Variants in TEX9 observed in about 807,000 individuals in gnomAD.
TEX9 encodes the protein testis expressed 9, also known as testis-expressed protein 9.
Under a neutral mutation model 59.6 loss-of-function variants are expected in TEX9, and 74 were observed. The ratio of observed to expected loss-of-function variants is 1.24; its 90% CI spans 1.03 to 1.51. The LOEUF (loss-of-function observed/expected upper bound fraction) is 1.51, where lower values mean the gene tolerates loss of function less well. Among genes scored for constraint, TEX9 ranks in the 40% most tolerant of loss-of-function variants. The probability of loss-of-function intolerance (pLI) is 0.00; values close to 1 mark genes in which losing one functional copy is unlikely to be tolerated. For missense variants in TEX9, 522 were observed against 447.8 expected, an observed-to-expected ratio of 1.17 and a Z score of -1.49; for synonymous variants, 186 against 152.2, an observed-to-expected ratio of 1.22 and a Z score of -1.64.
At chr15:56,372,951 G>A (rs2047256228) in intron 2 of TEX9, among the ~76,000 whole-genome samples, 1 of 152,066 alleles carries the variant, frequency 6.6e-6, no homozygotes, top group African/African-American at 2.4e-5. Flanking sequence ...TCTGAGGTGT[G>A]AGCCACGTTG....
At chr15:56,417,330 C>T (rs1172314886) in intron 10 of TEX9, among the ~76,000 whole-genome samples, 3 of 151,720 alleles carry the variant, frequency 2.0e-5, no homozygotes, top group African/African-American at 7.3e-5. Flanking sequence ...TTGATGTGGG[C>T]GTTTAGTGCT....
In TEX9 at chr15:56,353,911, C is replaced by G. The variant is rs16976872; in HGVS notation, c.-106-19530C>G. 5.4e-3 allele frequency among the ~76,000 whole-genome samples: 820 copies of G among 152,274 alleles called. 6 individuals are homozygous for G. Among genetic ancestry groups the G allele is most frequent in the African/African-American group, 0.019 (775 of 41,554 alleles). On this transcript the variant is annotated intron_variant, in intron 1 of 5. Transcript: ENST00000560827. Reference sequence around the variant, plus strand: ...GAGGCTATCAATGACTTCTTTCTTGCCAGCTTTAGAGGCCTTTTTCCAGTC... The same window carrying G: ...GAGGCTATCAATGACTTCTTTCTTGGCAGCTTTAGAGGCCTTTTTCCAGTC...
intron 1 of TEX9, among the ~76,000 whole-genome samples, chr15:56,316,046 C>G (rs373302049): frequency 6.9e-6 from 1 of 144,922 alleles, no homozygotes; most frequent in South Asian, 2.2e-4. Flanking sequence ...CTAGTTATAC[C>G]TTCTTCTAAA....
At chr15:56,425,027 C>G (rs2050174092) in intron 10 of TEX9, among the ~76,000 whole-genome samples, 1 of 151,952 alleles carries the variant, frequency 6.6e-6, no homozygotes, top group Non-Finnish European at 1.5e-5. Flanking sequence ...TAGTATTCTT[C>G]TAGGTTTTTT....
chr15:56,421,781 A>G (rs569025926), intron 10 of TEX9: 41 of 151,638 alleles, frequency 2.7e-4, no homozygotes, highest in African/African-American at 9.7e-4. Context: ...CCATGTCCCT[A>G]CAAAGGACAT....
chr15:56,420,654 G>A (rs530665699), intron 10 of TEX9, among the ~76,000 whole-genome samples: 4 of 151,866 alleles, frequency 2.6e-5, no homozygotes, highest in East Asian at 3.9e-4. Context: ...TGATTTGTAC[G>A]CTTTCTTCTT....
chr15:56,339,306 C>T (rs2046319067), intron 1 of TEX9, among the ~76,000 whole-genome samples: 2 of 139,036 alleles, frequency 1.4e-5, no homozygotes, highest in East Asian at 2.3e-4. Context: ...TCGCTTGAAC[C>T]CAGGAGGTGG....
At chr15:56,459,859 G>A in the TEX9 span, among the ~76,000 whole-genome samples, 2 of 150,278 alleles carry the variant, frequency 1.3e-5, no homozygotes, top group African/African-American at 4.9e-5. Flanking sequence ...GTGTGGTGGT[G>A]CATGCCTATA....
chr15:56,373,185 A>G (rs2047269393), intron 2 of TEX9, among the ~76,000 whole-genome samples: 1 of 152,174 alleles, frequency 6.6e-6, no homozygotes, highest in African/African-American at 2.4e-5. Context: ...AATATATTAG[A>G]TAAGTTACGT....
chr15:56,264,943 G>C (rs2141362176), intron 1 of TEX9, among the ~76,000 whole-genome samples: 1 of 152,238 alleles, frequency 6.6e-6, no homozygotes, highest in Admixed American at 6.5e-5. Context: ...TGGACTGTTT[G>C]GTTCCACTGT....
intron 1 of TEX9, among the ~76,000 whole-genome samples, chr15:56,265,333 TTTTTTTA>T (rs1340252921): frequency 6.6e-6 from 1 of 151,752 alleles, no homozygotes; most frequent in Non-Finnish European, 1.5e-5. Context: ...GGCCCAGCTT[TTTTTTTA>T]TTTTTTATTT....
intron 6 of TEX9, among the ~76,000 whole-genome samples, chr15:56,390,463 T>C (rs982607716): frequency 6.6e-6 from 1 of 152,188 alleles, no homozygotes; most frequent in Admixed American, 6.6e-5. Flanking sequence ...CTCATAAATG[T>C]GTATACCTAC....
intron 1 of TEX9, among the ~76,000 whole-genome samples, chr15:56,282,161 A>G (rs1387105864): frequency 1.3e-5 from 2 of 152,216 alleles, no homozygotes; most frequent in African/African-American, 4.8e-5. Flanking sequence ...ATTTTATTCT[A>G]GGAATGTAAT....
chr15:56,365,263 C>T (rs1434477990), upstream of TEX9, among the ~76,000 whole-genome samples: 2 of 152,188 alleles, frequency 1.3e-5, no homozygotes, highest in Non-Finnish European at 2.9e-5. Flanking sequence ...GGAAGCCTTC[C>T]TGGGTTCCTG....
At chr15:56,309,632 T>A (rs2045559144) in intron 1 of TEX9, among the ~76,000 whole-genome samples, 1 of 149,504 alleles carries the variant, frequency 6.7e-6, no homozygotes, top group Non-Finnish European at 1.5e-5. Context: ...TTGGTGTTAA[T>A]TCTTTAAAAG....
chr15:56,263,521 CT>C (rs2044314179), intron 1 of TEX9, among the ~76,000 whole-genome samples: 2 of 151,828 alleles, frequency 1.3e-5, no homozygotes, highest in South Asian at 4.2e-4. Context: ...TTTGATGTTT[CT>C]TTCTTTATTC....
intron 1 of TEX9, among the ~76,000 whole-genome samples, chr15:56,336,195 C>T (rs1448311840): frequency 6.6e-6 from 1 of 152,032 alleles, no homozygotes; most frequent in Non-Finnish European, 1.5e-5. Flanking sequence ...GTGTGATTGT[C>T]TTAGGTTGGG....
At chr15:56,358,814 C>T (rs1417833528) in intron 1 of TEX9, among the ~76,000 whole-genome samples, 2 of 152,014 alleles carry the variant, frequency 1.3e-5, no homozygotes, top group Non-Finnish European at 2.9e-5. Flanking sequence ...ATGCTGTTCT[C>T]GTGATAGTGA....
At chr15:56,437,157 AC>A (rs1170657576) in intron 12 of TEX9, among the ~76,000 whole-genome samples, 12 of 151,902 alleles carry the variant, frequency 7.9e-5, no homozygotes, top group African/African-American at 2.9e-4. Flanking sequence ...CAGAGACACC[AC>A]AAAAAAAAGA....
Sources: gnomAD v4.1 joint callset for allele counts (sites outside exome capture counted in the v4.1 genomes callset) on GRCh38, gnomAD v4.1.1 for gene constraint, MANE v1.5 for transcripts, NCBI Gene and HGNC (gene_info 2026-07-23, HGNC 2026-07-21) for gene names.